Variants in ARFGAP1 observed in about 807,000 individuals in gnomAD.
The protein encoded by ARFGAP1 is ADP-ribosylation factor GTPase-activating protein 1.
Under a neutral mutation model 54.0 loss-of-function variants are expected in ARFGAP1, and 26 were observed. The observed-to-expected ratio is 0.48, with a 90% CI of 0.35 to 0.67. The LOEUF (loss-of-function observed/expected upper bound fraction) is 0.67. Ranked by LOEUF, ARFGAP1 falls within the 30% of genes least tolerant of loss-of-function variation. ARFGAP1 has a pLI of 0.00. For missense variants in ARFGAP1, 525 were observed against 535.8 expected (o/e 0.98, Z 0.20); for synonymous variants, 248 against 211.9 (o/e 1.17, Z -1.48).
chr20:63,275,497 T>C, intron 1 of ARFGAP1, 80 bp from the exon 2 acceptor site: 2 of 1,360,364 alleles, frequency 1.5e-6, no homozygotes, highest in Non-Finnish European at 2.1e-6. Flanking sequence ...TGTTGTGTGG[T>C]GTTTTTGGAC....
At chr20:63,283,822 C>T (rs902469138) in intron 9 of ARFGAP1, 16 of 1,613,214 alleles carry the variant, frequency 9.9e-6, no homozygotes, top group Admixed American at 1.7e-5. Flanking sequence ...TTGCTCTCTC[C>T]TCACCTGTCT....
intron 11 of ARFGAP1, 195 bp downstream of exon 11, chr20:63,285,908 G>C: frequency 6.9e-7 from 1 of 1,455,640 alleles, no homozygotes; most frequent in Non-Finnish European, 9.2e-7. Flanking sequence ...ACTGCGGCCC[G>C]GTCAGCCACT....
chr20:63,280,248 C>G (rs2067345559), intron 7 of ARFGAP1, among the ~76,000 whole-genome samples: 1 of 152,368 alleles, frequency 6.6e-6, no homozygotes, highest in African/African-American at 2.4e-5. Flanking sequence ...CGCTGAGAGC[C>G]AAGGAAGGGC....
Position 63,276,619 on chromosome 20 carries a change from A to G in ARFGAP1, c.310A>G (p.Asn104Asp). ...DPCWSLQEKYNSRAAALFRDK... is the reference protein window; with the variant it reads ...DPCWSLQEKYDSRAAALFRDK... ...TTGCTGGTCCTTGCAGGAGAAGTAC[A>G]ACAGCAGAGCCGCGGCCCTCTTTAG... Residue 104 changes from asparagine (N) to aspartate (D), a missense_variant, in exon 4 of 13, where the codon AAC (asparagine) becomes GAC (aspartate). Physicochemically the swap from Asn to Asp is conservative, Grantham distance 23 (BLOSUM62 1). Coordinates refer to ENST00000370283, the MANE Select transcript of ARFGAP1 (RefSeq NM_018209.4). The surrounding 1 kb of genome is among the most constrained non-coding windows in gnomAD (Gnocchi z 5.2). 1.2e-6 allele frequency: 2 copies of G among 1,613,476 alleles called. No homozygotes were observed.
At position 63,289,629 on chromosome 20, in the gene ARFGAP1, G is replaced by A. The variant is rs984243513; in HGVS notation, c.*1756G>A. On this transcript the variant is annotated 3_prime_UTR_variant, in exon 13 of 13. Transcript: ENST00000370283. ...TGGGCCACCTTCAGAAGGTGGATGTGGTGGCCGAGACCCCGTCCACGGAGG... is the reference window on the plus strand; with the variant it reads ...TGGGCCACCTTCAGAAGGTGGATGTAGTGGCCGAGACCCCGTCCACGGAGG... 1 of 152,306 alleles carries A rather than the reference G, an allele frequency of 6.6e-6. No individual in the cohort carries two copies. Among genetic ancestry groups the A allele is most frequent in the Non-Finnish European group, 1.5e-5 (1 of 68,100 alleles). The allele number at this position is 152,306 out of a possible 1,614,324, so 9.4% of individuals were successfully genotyped here. A position where few individuals can be genotyped will look rare whatever the true frequency, so the allele number is the denominator to read the frequency against.
intron 6 of ARFGAP1, 33 bp downstream of exon 6, chr20:63,278,236 G>C: frequency 6.2e-7 from 1 of 1,601,272 alleles, no homozygotes; most frequent in Non-Finnish European, 8.5e-7. Context: ...CGCCTGGCGT[G>C]GGCCAGGCCC....
chr20:63,283,654 A>G (rs896496485), intron 9 of ARFGAP1: 1 of 541,524 alleles, frequency 1.8e-6, no homozygotes, highest in African/African-American at 1.9e-5. Flanking sequence ...CCTGAGGTGC[A>G]GTCGCTCGCG....
At position 63,276,710 on chromosome 20, in the gene ARFGAP1, C is replaced by T. The variant is rs142332171; in HGVS notation, c.342+59C>T. 440 of 1,527,634 alleles carry T rather than the reference C, an allele frequency of 2.9e-4. 3 individuals are homozygous for T. In the East Asian group the frequency reaches 9.8e-3, roughly 34 times the overall value. The allele number at this position is 1,527,634 out of a possible 1,614,324, so 94.6% of individuals were successfully genotyped here. ...TGTGGGGCTGCCCTGCCGTTTGTGG[C>T]AGCTGGACTGTGGCCTTTAGTGGTT... On this transcript the variant is annotated intron_variant, in intron 4 of 12. Transcript: ENST00000370283. The surrounding 1 kb of genome is among the most constrained non-coding windows in gnomAD (Gnocchi z 5.2).
intron 1 of ARFGAP1, 184 bp downstream of exon 1, chr20:63,273,104 G>C (rs1230949250): frequency 1.3e-5 from 2 of 150,926 alleles, no homozygotes; most frequent in African/African-American, 4.9e-5. Flanking sequence ...CCTCGGCGCT[G>C]GGCGGCGGGG....
chr20:63,284,155 G>A (rs1004378562), intron 9 of ARFGAP1: 26 of 1,318,598 alleles, frequency 2.0e-5, no homozygotes, highest in Non-Finnish European at 2.4e-5. Flanking sequence ...GACCCCCAAC[G>A]CAGGCCTGCT....
chr20:63,283,081 A>G, intron 9 of ARFGAP1: 1 of 576,654 alleles, frequency 1.7e-6, no homozygotes, highest in Non-Finnish European at 3.1e-6. Flanking sequence ...TTTCCTGTTC[A>G]CTGGTAGCTG....
chr20:63,286,335 C>A (rs1412304351), intron 11 of ARFGAP1, 31 bp from the exon 12 acceptor site: 10 of 1,610,618 alleles, frequency 6.2e-6, no homozygotes, highest in Non-Finnish European at 8.5e-6. Context: ...GCGACAGGGC[C>A]TGCCTAACCT....
In ARFGAP1 at chr20:63,288,483, G is replaced by A. The variant is rs191478660; in HGVS notation, c.*610G>A. The A allele has an allele frequency of 1.2e-3, 526 of 455,894 alleles. 2 individuals carry two copies. The highest frequency in any genetic ancestry group is 9.3e-3 in the African/African-American group (464 of 50,106). The allele number at this position is 455,894 out of a possible 1,614,324, so 28.2% of individuals were successfully genotyped here. On this transcript the variant is annotated 3_prime_UTR_variant, in exon 13 of 13. Transcript: ENST00000370283. ...TCTGTGGCTCCCCTGCATCAGCACC[G>A]TCCCACCACCAAGTTCACCAGGTTC...
rs535336047 is a variant in ARFGAP1, at chr20:63,276,469, C to T, written c.171-11C>T. The T allele has an allele frequency of 1.2e-6, 2 of 1,606,532 alleles. No individual in the cohort carries two copies. Among genetic ancestry groups the T allele is most frequent in the South Asian group, 1.1e-5 (1 of 89,822 alleles). Reference sequence around the variant, plus strand: ...GGTGCTGGTTGATCTGCTCGATCCTCTGCTTTCCAGCTTTGTGCGCTCTGT... The same window carrying T: ...GGTGCTGGTTGATCTGCTCGATCCTTTGCTTTCCAGCTTTGTGCGCTCTGT... On this transcript the variant is annotated splice_polypyrimidine_tract_variant and intron_variant, in intron 3 of 12. Coordinates refer to ENST00000370283, the MANE Select transcript of ARFGAP1 (RefSeq NM_018209.4). This position sits in a 1 kb window ranked among gnomAD's most constrained non-coding sequence, Gnocchi z 5.2.
At chr20:63,284,013 G>A (rs1476325455) in intron 9 of ARFGAP1, 50 of 1,497,484 alleles carry the variant, frequency 3.3e-5, no homozygotes, top group Non-Finnish European at 4.3e-5. Context: ...CCTCTCCCTG[G>A]CCTCGGTCCG....
chr20:63,280,210 C>T (rs2067344282), intron 7 of ARFGAP1, among the ~76,000 whole-genome samples: 1 of 152,226 alleles, frequency 6.6e-6, no homozygotes, highest in Non-Finnish European at 1.5e-5. Context: ...GAGCCTTTGG[C>T]CACGGGGGCT....
intron 9 of ARFGAP1, chr20:63,283,750 A>T: frequency 7.6e-7 from 1 of 1,315,162 alleles, no homozygotes; most frequent in Non-Finnish European, 1.1e-6. Context: ...GTGCTGCCTT[A>T]GTGTTGCGGC....
At chr20:63,277,064 AGGGGCCGTCGAG>A in intron 4 of ARFGAP1, 129 bp from the exon 5 acceptor site, 1 of 658,528 alleles carries the variant, frequency 1.5e-6, no homozygotes, top group South Asian at 1.8e-5. Context: ...GCACCTGAGC[AGGGGCCGTCGAG>A]GGGGCCGGGA....
At chr20:63,273,529 T>A (rs756067514) in intron 1 of ARFGAP1, 2 of 152,248 alleles carry the variant, frequency 1.3e-5, no homozygotes, top group African/African-American at 2.4e-5. Context: ...GTATTTGCTT[T>A]CGTGTTACTA....
Sources: allele counts gnomAD v4.1 joint callset (sites outside exome capture counted in the v4.1 genomes callset), GRCh38; gene constraint gnomAD v4.1.1; non-coding constraint Gnocchi (gnomAD v3.1); transcripts MANE v1.5; gene names NCBI Gene and HGNC (gene_info 2026-07-23, HGNC 2026-07-21).